ROBO1: variants seen among roughly 807,000 people sequenced by gnomAD.
The protein encoded by ROBO1 is roundabout homolog 1.
ROBO1 carries 149 observed loss-of-function variants against 195.9 expected under a neutral mutation model. That is an observed-to-expected ratio of 0.76 (90% CI 0.67 to 0.87). ROBO1 has a LOEUF of 0.87. Among genes scored for constraint, ROBO1 ranks in the 40% least tolerant of loss-of-function variants. The pLI is 0.00. For synonymous variants in ROBO1, 816 were observed against 733.2 expected (o/e 1.11, Z -1.82); for missense variants, 1,933 against 2,068.3 (o/e 0.93, Z 1.27).
intron 2 of ROBO1, among the ~76,000 whole-genome samples, chr3:79,488,226 T>C (rs558392875): frequency 6.6e-6 from 1 of 152,202 alleles, no homozygotes; most frequent in Non-Finnish European, 1.5e-5. Flanking sequence ...TGTATAACTT[T>C]AAATATAATT....
At chr3:79,322,125 T>A (rs1385403842) in intron 2 of ROBO1, among the ~76,000 whole-genome samples, 1 of 152,170 alleles carries the variant, frequency 6.6e-6, no homozygotes, top group Non-Finnish European at 1.5e-5. Context: ...TTTGCTTTAC[T>A]TAAACAAATT....
At chr3:79,168,223 A>G (rs1005581962) in intron 2 of ROBO1, among the ~76,000 whole-genome samples, 1 of 152,182 alleles carries the variant, frequency 6.6e-6, no homozygotes, top group South Asian at 2.1e-4. Flanking sequence ...AGTTTACCCA[A>G]TGAGAGGAAA....
chr3:79,217,774 A>G (rs577189737), intron 2 of ROBO1, among the ~76,000 whole-genome samples: 1 of 152,036 alleles, frequency 6.6e-6, no homozygotes, highest in South Asian at 2.1e-4. Flanking sequence ...CTTAAAATAA[A>G]TGTCATTTCT....
chr3:78,695,220 T>A (rs2081260416), intron 8 of ROBO1, among the ~76,000 whole-genome samples: 1 of 152,024 alleles, frequency 6.6e-6, no homozygotes, highest in Non-Finnish European at 1.5e-5. Flanking sequence ...TATACATATG[T>A]AACAAACCTG....
intron 2 of ROBO1, among the ~76,000 whole-genome samples, chr3:79,385,508 A>T (rs181316826): frequency 2.0e-5 from 3 of 152,230 alleles, no homozygotes; most frequent in Admixed American, 2.0e-4. Flanking sequence ...TCATGCCTTT[A>T]TGTGTTATCT....
At chr3:78,761,146 C>T (rs1000012716) in intron 4 of ROBO1, among the ~76,000 whole-genome samples, 1 of 151,966 alleles carries the variant, frequency 6.6e-6, no homozygotes, top group South Asian at 2.1e-4. Context: ...ATGTTAAGAC[C>T]TATGCTTATA....
intron 22 of ROBO1, 66 bp downstream of exon 22, chr3:78,639,678 A>G (rs1705804524): frequency 6.9e-6 from 10 of 1,445,310 alleles, no homozygotes; most frequent in Non-Finnish European, 9.4e-6. Context: ...GGAGAGGGAA[A>G]GAAAAGATCT....
intron 3 of ROBO1, among the ~76,000 whole-genome samples, chr3:79,000,919 C>T (rs1389650848): frequency 3.9e-5 from 6 of 152,174 alleles, no homozygotes; most frequent in Non-Finnish European, 8.8e-5. Flanking sequence ...GGCACGTATA[C>T]ACCATGGAAT....
intron 4 of ROBO1, among the ~76,000 whole-genome samples, chr3:78,777,665 G>A (rs1240925520): frequency 6.6e-6 from 1 of 152,096 alleles, no homozygotes; most frequent in African/African-American, 2.4e-5. Flanking sequence ...AAAACAAAAA[G>A]TTTGGCTTAC....
chr3:78,636,883 A>G (rs1456111796), intron 22 of ROBO1, among the ~76,000 whole-genome samples: 2 of 145,412 alleles, frequency 1.4e-5, no homozygotes, highest in Non-Finnish European at 3.0e-5. Flanking sequence ...TCTCTATTGA[A>G]ATATTTGGAC....
intron 4 of ROBO1, among the ~76,000 whole-genome samples, chr3:78,789,744 C>G (rs2083959343): frequency 6.6e-6 from 1 of 152,144 alleles, no homozygotes; most frequent in Non-Finnish European, 1.5e-5. Context: ...CTAACATTTT[C>G]TTCTTGATCT....
chr3:78,638,889 G>C (rs908833916), intron 22 of ROBO1, among the ~76,000 whole-genome samples: 37 of 151,538 alleles, frequency 2.4e-4, no homozygotes, highest in African/African-American at 9.0e-4. Context: ...CAACAAACAA[G>C]CAAAAAAGGT....
At chr3:78,943,400 T>C (rs1218110711) in intron 3 of ROBO1, among the ~76,000 whole-genome samples, 1 of 152,172 alleles carries the variant, frequency 6.6e-6, no homozygotes, top group Admixed American at 6.5e-5. Context: ...ACAACCAGTA[T>C]GGCTTTGGGA....
At chr3:79,433,495 C>T (rs952682475) in intron 2 of ROBO1, among the ~76,000 whole-genome samples, 5 of 151,996 alleles carry the variant, frequency 3.3e-5, no homozygotes, top group African/African-American at 1.2e-4. Context: ...CACTCCTAGA[C>T]TCAAGCAATC....
intron 5 of ROBO1, among the ~76,000 whole-genome samples, chr3:78,743,937 C>T (rs757263768): frequency 1.3e-5 from 2 of 152,144 alleles, no homozygotes; most frequent in African/African-American, 4.8e-5. Context: ...GCCAGAAGGA[C>T]GGGAGAACTG....
At chr3:79,673,600 G>C (rs973815464) in intron 1 of ROBO1, among the ~76,000 whole-genome samples, 1 of 151,928 alleles carries the variant, frequency 6.6e-6, no homozygotes. Context: ...TGAGCATTGA[G>C]AAAAAGGGTT....
chr3:79,460,081 C>A (rs908663305), intron 2 of ROBO1, among the ~76,000 whole-genome samples: 9 of 152,148 alleles, frequency 5.9e-5, no homozygotes, highest in Non-Finnish European at 8.8e-5. Context: ...ATCAAGACAT[C>A]AGTTCCTTTT....
intron 3 of ROBO1, among the ~76,000 whole-genome samples, chr3:79,003,239 C>G (rs2077546129): frequency 6.6e-6 from 1 of 152,074 alleles, no homozygotes; most frequent in Non-Finnish European, 1.5e-5. Context: ...CAAATTAACG[C>G]TGAATTTTCC....
intron 2 of ROBO1, among the ~76,000 whole-genome samples, chr3:79,440,599 C>G (rs564460472): frequency 6.6e-6 from 1 of 152,202 alleles, no homozygotes; most frequent in South Asian, 2.1e-4. Context: ...TGTGTGTTCC[C>G]TATGCGCACT....
Sources: gnomAD v4.1 joint callset for allele counts (sites outside exome capture counted in the v4.1 genomes callset) on GRCh38, gnomAD v4.1.1 for gene constraint, MANE v1.5 for transcripts, NCBI Gene and HGNC (gene_info 2026-07-23, HGNC 2026-07-21) for gene names.